Variants in DCHS2 observed in about 807,000 individuals in gnomAD.
The protein encoded by DCHS2 is dachsous cadherin-related 2, also known as protocadherin-23.
Under a neutral mutation model 182.4 loss-of-function variants are expected in DCHS2, and 142 were observed. The observed-to-expected ratio is 0.78, with a 90% confidence interval of 0.68 to 0.89. The LOEUF (loss-of-function observed/expected upper bound fraction) is 0.89. Among genes scored for constraint, DCHS2 ranks in the 40% least tolerant of loss-of-function variants. The pLI, the probability that DCHS2 is intolerant of heterozygous loss-of-function variation, is 0.00. For missense variants in DCHS2, 4,319 were observed against 4,198.6 expected (o/e 1.03, Z -0.79); for synonymous variants, 1,740 against 1,663.3 (o/e 1.05, Z -1.12).
At chr4:154,471,800 C>T (rs1369547823) in intron 1 of DCHS2, among the ~76,000 whole-genome samples, 1 of 151,984 alleles carries the variant, frequency 6.6e-6, no homozygotes, top group East Asian at 1.9e-4. Flanking sequence ...CAAATCTGTG[C>T]CCAATCTTCA....
chr4:154,408,817 A>G (rs1161957466), intron 1 of DCHS2, among the ~76,000 whole-genome samples: 5 of 151,820 alleles, frequency 3.3e-5, no homozygotes, highest in African/African-American at 1.2e-4. Flanking sequence ...TTTTGCGGAG[A>G]AAAAGTAAGC....
At chr4:154,289,733 T>C (rs1561014733) in intron 13 of DCHS2, among the ~76,000 whole-genome samples, 1 of 152,102 alleles carries the variant, frequency 6.6e-6, no homozygotes, top group East Asian at 1.9e-4. Flanking sequence ...AAGAAGATCA[T>C]TCATCATGAC....
intron 1 of DCHS2, among the ~76,000 whole-genome samples, chr4:154,385,483 C>T (rs570077569): frequency 6.6e-6 from 1 of 152,060 alleles, no homozygotes; most frequent in African/African-American, 2.4e-5. Flanking sequence ...GTTCTAGATC[C>T]CTGAGGAATC....
intron 13 of DCHS2, among the ~76,000 whole-genome samples, chr4:154,290,257 T>G (rs1279326830): frequency 6.6e-6 from 1 of 151,890 alleles, no homozygotes; most frequent in African/African-American, 2.4e-5. Context: ...ACTTCTGCAA[T>G]GAAAAGTATA....
At position 154,236,245 on chromosome 4, in the gene DCHS2, C is replaced by A. The variant is rs1578833936; in HGVS notation, c.8407G>T (p.Glu2803Ter). Residue 2803 changes from glutamate to a stop codon, truncating the protein, a stop_gained, in exon 20 of 20, where the codon GAA becomes TAA. Transcript: ENST00000357232. LOFTEE classifies it low-confidence loss of function (END_TRUNC). ...GGTGATACAATAGAATAGGTCAATT[C>A]TCCATACGGACCAGCATCAAAATCC... The part of the protein sequence containing the change: ...ALDFDAGPYG[E>*]LTYSIVSPCF... 6.2e-7 allele frequency: 1 copy of A among 1,614,024 alleles called. No individual in the cohort carries two copies. Among genetic ancestry groups the A allele is most frequent in the Non-Finnish European group, 8.5e-7 (1 of 1,179,978 alleles).
At chr4:154,455,932 A>T (rs1391960768) in intron 1 of DCHS2, among the ~76,000 whole-genome samples, 1 of 152,130 alleles carries the variant, frequency 6.6e-6, no homozygotes, top group African/African-American at 2.4e-5. Flanking sequence ...TCTATTAAAA[A>T]TACAAAAATT....
At chr4:154,284,868 C>T (rs1194357108) in intron 13 of DCHS2, among the ~76,000 whole-genome samples, 1 of 152,112 alleles carries the variant, frequency 6.6e-6, no homozygotes, top group East Asian at 1.9e-4. Flanking sequence ...CTTCGGGGAG[C>T]ACATGACCTA....
At chr4:154,373,076 C>T (rs1209130489) in intron 2 of DCHS2, among the ~76,000 whole-genome samples, 1 of 152,182 alleles carries the variant, frequency 6.6e-6, no homozygotes, top group African/African-American at 2.4e-5. Flanking sequence ...AGTTAAAGGA[C>T]TTCTGTCAAG....
intron 1 of DCHS2, among the ~76,000 whole-genome samples, chr4:154,402,364 T>C (rs1732224189): frequency 6.6e-6 from 1 of 152,198 alleles, no homozygotes; most frequent in Non-Finnish European, 1.5e-5. Flanking sequence ...AGATCCACTA[T>C]ATTACCATAT....
chr4:154,360,233 G>A (rs1282505379), intron 3 of DCHS2, among the ~76,000 whole-genome samples: 1 of 152,038 alleles, frequency 6.6e-6, no homozygotes, highest in Non-Finnish European at 1.5e-5. Context: ...AGCAGCACAG[G>A]AACAGATCAC....
At chr4:154,485,193 T>C (rs560314327) in intron 1 of DCHS2, among the ~76,000 whole-genome samples, 6 of 152,238 alleles carry the variant, frequency 3.9e-5, no homozygotes, top group Admixed American at 3.9e-4. Context: ...TGGGAATGCC[T>C]CTACCACACT....
At chr4:154,345,363 T>C (rs1195372998) in intron 3 of DCHS2, among the ~76,000 whole-genome samples, 1 of 152,234 alleles carries the variant, frequency 6.6e-6, no homozygotes, top group East Asian at 1.9e-4. Flanking sequence ...TGTTACTGTT[T>C]CTGTTTTCCT....
chr4:154,239,082 T>C (rs1731675813), intron 19 of DCHS2, 88 bp downstream of exon 19: 11 of 1,502,228 alleles, frequency 7.3e-6, no homozygotes, highest in Non-Finnish European at 9.7e-6. Context: ...GGTGGGGAAC[T>C]TTTATAGAGG....
At chr4:154,374,021 A>C in intron 2 of DCHS2, 3 of 1,339,474 alleles carry the variant, frequency 2.2e-6, no homozygotes, top group Non-Finnish European at 2.1e-6. Flanking sequence ...AAAAAAAAAA[A>C]AAAACTTGCT....
chr4:154,458,056 G>A (rs565896561), intron 1 of DCHS2, among the ~76,000 whole-genome samples: 147 of 151,544 alleles, frequency 9.7e-4, no homozygotes, highest in African/African-American at 3.4e-3. Context: ...ATGTTAATTC[G>A]GATACATTAT....
At chr4:154,237,472 TTTTG>T (rs1206309046) in intron 19 of DCHS2, 2 of 210,794 alleles carry the variant, frequency 9.5e-6, no homozygotes, top group Admixed American at 5.5e-5. Context: ...TAAAAAATAT[TTTTG>T]TTTGTAAAAT....
At chr4:154,278,195 G>A (rs1733954832) in intron 13 of DCHS2, among the ~76,000 whole-genome samples, 2 of 151,994 alleles carry the variant, frequency 1.3e-5, no homozygotes, top group African/African-American at 2.4e-5. Flanking sequence ...AGAAATTAAG[G>A]AGCTGAAGAA....
chr4:154,480,728 A>T (rs986737099), intron 1 of DCHS2, among the ~76,000 whole-genome samples: 3 of 152,262 alleles, frequency 2.0e-5, no homozygotes, highest in Non-Finnish European at 4.4e-5. Flanking sequence ...GGCTGTCAAT[A>T]TATCTAGTAC....
chr4:154,275,603 T>C (rs1733818526), intron 13 of DCHS2, among the ~76,000 whole-genome samples: 3 of 152,118 alleles, frequency 2.0e-5, no homozygotes, highest in Admixed American at 2.0e-4. Context: ...TTATCCCCAC[T>C]GCTCAAAGTT....
Sources: allele counts gnomAD v4.1 joint callset (sites outside exome capture counted in the v4.1 genomes callset), GRCh38; gene constraint gnomAD v4.1.1; transcripts MANE v1.5; gene names NCBI Gene and HGNC (gene_info 2026-07-23, HGNC 2026-07-21).